Variants in BCL2L14 observed in about 807,000 individuals in gnomAD.
BCL2L14 encodes the protein apoptosis facilitator Bcl-2-like protein 14.
A neutral mutation model predicts 35.3 loss-of-function variants in BCL2L14; 27 were observed. That is an observed-to-expected ratio of 0.76 (90% CI 0.56 to 1.05). BCL2L14 has a LOEUF of 1.05. BCL2L14 is among the 50% of genes least tolerant of loss of function. BCL2L14 has a pLI of 0.00. For missense variants in BCL2L14, 377 were observed against 382.6 expected (o/e 0.99, Z 0.12); for synonymous variants, 139 against 145.9 (o/e 0.95, Z 0.34).
chr12:12,060,082 C>T (rs1451478759), intron 2 of BCL2L14, among the ~76,000 whole-genome samples: 4 of 151,810 alleles, frequency 2.6e-5, no homozygotes, highest in African/African-American at 9.7e-5. Context: ...CTCTCTCCTC[C>T]TCGCCAGGCC....
At chr12:12,062,244 C>T (rs1333921009) in intron 2 of BCL2L14, among the ~76,000 whole-genome samples, 2 of 149,780 alleles carry the variant, frequency 1.3e-5, no homozygotes, top group Non-Finnish European at 3.0e-5. Context: ...ATCTGGCCTC[C>T]CACATTATTC....
chr12:12,072,027 CTG>C (rs1396863913), intron 1 of BCL2L14, among the ~76,000 whole-genome samples: 1 of 152,158 alleles, frequency 6.6e-6, no homozygotes, highest in Non-Finnish European at 1.5e-5. Flanking sequence ...CAGGCCTCAA[CTG>C]TGTGTCCTGA....
At chr12:12,065,991 A>G (rs138034026), upstream of BCL2L14, among the ~76,000 whole-genome samples, 1,016 of 152,196 alleles carry the variant, frequency 6.7e-3, 7 homozygotes, top group Middle Eastern at 0.031. Context: ...GGGTTTCGCC[A>G]TGATGACCAG....
In BCL2L14 at chr12:12,050,793, T is replaced by TAAAAAAAAA. The variant is rs3052084; in HGVS notation, c.-324+851_-324+859dup. Among the ~76,000 whole-genome samples, 145 of 88,260 alleles carry TAAAAAAAAA rather than the reference T, an allele frequency of 1.6e-3. 3 individuals carry two copies. The highest frequency in any genetic ancestry group is 6.7e-3 in the African/African-American group (129 of 19,350). 57.9% of individuals were successfully genotyped at this position (88,260 alleles called of 152,430 possible). A position where few individuals can be genotyped will look rare whatever the true frequency, so the allele number is the denominator to read the frequency against. On this transcript the variant is annotated intron_variant, in intron 1 of 3. Coordinates refer to the BCL2L14 transcript ENST00000461264. ...ACACTAACACTAATAGCTGATGAGC[T>TAAAAAAAAA]AAAAAAAAAAAAAAAAAAAAGAAAA...
intron 2 of BCL2L14, among the ~76,000 whole-genome samples, chr12:12,084,273 G>A (rs991598858): frequency 2.6e-5 from 4 of 152,048 alleles, no homozygotes; most frequent in African/African-American, 9.7e-5. Flanking sequence ...CTCCCTTTTC[G>A]AGAGCTTTCT....
At chr12:12,069,259 T>TTTCC (rs1220224444), upstream of BCL2L14, among the ~76,000 whole-genome samples, 2 of 152,150 alleles carry the variant, frequency 1.3e-5, no homozygotes, top group African/African-American at 2.4e-5. Flanking sequence ...AGGCTGGTCT[T>TTTCC]CAAGTGATCC....
chr12:12,079,674 A>G lies in BCL2L14; in HGVS notation c.369A>G (p.Gln123=). The part of the protein sequence containing the change: ...SAQGQRTLEY[Q]DSHSQQWSRC... ...AGGGTCAAAGGACGTTGGAATACCA[A>G]GATTCGCACAGCCAGCAGTGGTCCA... The change falls in exon 2 of 6, where the codon CAA becomes CAG. Residue 123 remains glutamine (Q), a synonymous_variant. Coordinates refer to ENST00000308721, the MANE Select transcript of BCL2L14 (RefSeq NM_138723.2). 6.2e-7 allele frequency: 1 copy of G among 1,614,210 alleles called. No homozygotes were observed. Among genetic ancestry groups the G allele is most frequent in the South Asian group, 1.1e-5 (1 of 91,078 alleles).
chr12:12,059,000 C>T (rs375261557), intron 2 of BCL2L14, among the ~76,000 whole-genome samples: 8 of 152,326 alleles, frequency 5.3e-5, no homozygotes, highest in Middle Eastern at 3.4e-3. Flanking sequence ...TCAATCTTGG[C>T]GCCACACTTC....
intron 5 of BCL2L14, chr12:12,095,302 A>G: frequency 1.0e-6 from 1 of 985,370 alleles, no homozygotes; most frequent in South Asian, 4.7e-5. Flanking sequence ...ACAGTTCCTC[A>G]CACTTGCAGA....
intron 5 of BCL2L14, among the ~76,000 whole-genome samples, chr12:12,098,222 G>GCT (rs1467056738): frequency 6.6e-6 from 1 of 152,136 alleles, no homozygotes; most frequent in Non-Finnish European, 1.5e-5. Flanking sequence ...TGTCTCGATG[G>GCT]CTCTCTCTGC....
intron 1 of BCL2L14, among the ~76,000 whole-genome samples, chr12:12,078,974 T>C (rs575846526): frequency 1.8e-4 from 28 of 152,320 alleles, no homozygotes; most frequent in African/African-American, 6.7e-4. Context: ...TTTTTGTATC[T>C]TTAGTAGAGA....
At chr12:12,081,640 G>C (rs997445083) in intron 2 of BCL2L14, among the ~76,000 whole-genome samples, 1 of 150,988 alleles carries the variant, frequency 6.6e-6, no homozygotes, top group African/African-American at 2.4e-5. Flanking sequence ...CTCACTGCAA[G>C]CTCCGCCTCC....
intron 1 of BCL2L14, chr12:12,051,742 C>A (rs905070540): frequency 1.3e-5 from 2 of 152,210 alleles, no homozygotes; most frequent in Non-Finnish European, 2.9e-5. Context: ...ATGCAAAGCA[C>A]CATGCTTGTG....
At position 12,059,287 on chromosome 12, in the gene BCL2L14, C is replaced by A. The variant is rs192131006; in HGVS notation, c.-272+7440C>A. 3.1e-4 allele frequency among the ~76,000 whole-genome samples: 47 copies of A among 151,822 alleles called. No individual in the cohort carries two copies. The East Asian group carries it at 8.9e-3, about 29-fold the overall frequency. ...GTACCCCAACCCCTTCTCTCCGTGTCTCTACCCCTTCTCCACCTTTCTGGG... is the reference window on the plus strand; with the variant it reads ...GTACCCCAACCCCTTCTCTCCGTGTATCTACCCCTTCTCCACCTTTCTGGG... On this transcript the variant is annotated intron_variant, in intron 2 of 3. Coordinates refer to the BCL2L14 transcript ENST00000461264.
intron 1 of BCL2L14, among the ~76,000 whole-genome samples, chr12:12,051,128 C>T (rs1437989014): frequency 1.3e-5 from 2 of 152,144 alleles, no homozygotes; most frequent in African/African-American, 4.8e-5. Flanking sequence ...CACCAGACAG[C>T]AGTGAGCAGG....
chr12:12,089,453 C>G (rs36047825), intron 3 of BCL2L14, among the ~76,000 whole-genome samples: 15,056 of 151,266 alleles, frequency 0.1, 858 homozygotes, highest in Non-Finnish European at 0.12. Context: ...CCCAGCACTT[C>G]GAGAGGCCGA....
chr12:12,051,833 A>G (rs1414969801), exon 2 of BCL2L14: 2 of 152,208 alleles, frequency 1.3e-5, no homozygotes, highest in African/African-American at 4.8e-5. Context: ...GGTGATGGAC[A>G]CTAAAACAAA....
chr12:12,094,837 T>G lies in BCL2L14; in HGVS notation c.852T>G (p.Ala284=), dbSNP rs763862598. The part of the protein sequence containing the change: ...LVIDVTAKLT[A]IDNHPMNRVL... ...TAGACGTCACGGCCAAGCTCACAGC[T>G]ATTGACAACCACCCGATGAACAGGG... Residue 284 remains alanine (A), a synonymous_variant, in exon 5 of 6, where the codon GCT becomes GCG. Transcript: ENST00000308721. 6.2e-7 allele frequency: 1 copy of G among 1,614,178 alleles called. No individual in the cohort carries two copies. The highest frequency in any genetic ancestry group is 8.5e-7 in the Non-Finnish European group (1 of 1,180,040).
rs754606088 is a variant in BCL2L14, at chr12:12,079,343, C to T, written c.38C>T (p.Pro13Leu). Residue 13 changes from proline (P) to leucine (L), a missense_variant, in exon 2 of 6, where the codon CCC becomes CTC. Pro to Leu is a moderately conservative substitution (Grantham distance 98). Transcript: ENST00000308721. ...STSGCDLEEI[P>L]LDDDDLNTIE... is the part of the protein sequence containing the mutation. ...AGTGGGTGTGACCTGGAAGAAATCCCCCTAGATGATGATGACCTAAACACC... is the reference window on the plus strand; with the variant it reads ...AGTGGGTGTGACCTGGAAGAAATCCTCCTAGATGATGATGACCTAAACACC... 4.5e-5 allele frequency: 73 copies of T among 1,614,014 alleles called. 1 individual carries two copies. The South Asian group carries it at 7.4e-4, about 16-fold the overall frequency.
Sources: gnomAD v4.1 joint callset for allele counts (sites outside exome capture counted in the v4.1 genomes callset) on GRCh38, gnomAD v4.1.1 for gene constraint, MANE v1.5 for transcripts, NCBI Gene and HGNC (gene_info 2026-07-23, HGNC 2026-07-21) for gene names.